Variants in RPS6KC1 observed in about 807,000 individuals in gnomAD.
The protein encoded by RPS6KC1 is ribosomal protein S6 kinase C1.
A neutral mutation model predicts 103.8 loss-of-function variants in RPS6KC1; 54 were observed. The observed-to-expected ratio is 0.52, with a 90% CI of 0.42 to 0.65. The LOEUF (loss-of-function observed/expected upper bound fraction) is 0.65. Among genes scored for constraint, RPS6KC1 ranks in the 30% least tolerant of loss-of-function variants. RPS6KC1 has a pLI of 0.00. For missense variants in RPS6KC1, 1,151 were observed against 1,253.8 expected (o/e 0.92, Z 1.24); for synonymous variants, 439 against 438.7 (o/e 1.00, Z -0.01).
At chr1:213,101,559 A>G (rs1198467549) in intron 3 of RPS6KC1, among the ~76,000 whole-genome samples, 1 of 151,266 alleles carries the variant, frequency 6.6e-6, no homozygotes, top group Non-Finnish European at 1.5e-5. Flanking sequence ...AAAGCCTCCA[A>G]TTTTTTTTTG....
At chr1:213,684,507 G>C in the RPS6KC1 span, among the ~76,000 whole-genome samples, 1 of 152,232 alleles carries the variant, frequency 6.6e-6, no homozygotes, top group Non-Finnish European at 1.5e-5. Context: ...AGTTGTTTTT[G>C]CCTGCACCTG....
chr1:213,076,382 A>C (rs1447554043), intron 2 of RPS6KC1, among the ~76,000 whole-genome samples: 6 of 152,236 alleles, frequency 3.9e-5, no homozygotes, highest in Non-Finnish European at 7.3e-5. Context: ...GGAATCTCTT[A>C]AATCACACCT....
At chr1:213,064,739 G>A (rs1226446667) in intron 1 of RPS6KC1, among the ~76,000 whole-genome samples, 1 of 147,664 alleles carries the variant, frequency 6.8e-6, no homozygotes, top group Non-Finnish European at 1.5e-5. Context: ...GTGCAGTGGC[G>A]TGATCTCGGC....
At chr1:213,723,113 G>A in the RPS6KC1 span, among the ~76,000 whole-genome samples, 1 of 152,332 alleles carries the variant, frequency 6.6e-6, no homozygotes, top group Admixed American at 6.5e-5. Flanking sequence ...CTGGGAGGCA[G>A]AGATTGCAGT....
At chr1:213,789,779 A>G in the RPS6KC1 span, among the ~76,000 whole-genome samples, 1 of 152,202 alleles carries the variant, frequency 6.6e-6, no homozygotes. Context: ...AAGATTCATG[A>G]TAACATTGTC....
At chr1:213,070,958 C>T in intron 1 of RPS6KC1, 48 bp from the exon 2 acceptor site, 1 of 1,182,202 alleles carries the variant, frequency 8.5e-7, no homozygotes, top group Non-Finnish European at 1.2e-6. Context: ...AATATGAAAT[C>T]TTAAATTTTG....
chr1:213,588,571 T>C, the RPS6KC1 span, among the ~76,000 whole-genome samples: 7 of 152,264 alleles, frequency 4.6e-5, 1 homozygote, highest in African/African-American at 1.7e-4. Flanking sequence ...AGTGGTGGGA[T>C]TACAGGCGTG....
the RPS6KC1 span, among the ~76,000 whole-genome samples, chr1:213,738,547 G>A: frequency 6.6e-6 from 1 of 151,924 alleles, no homozygotes; most frequent in African/African-American, 2.4e-5. Context: ...ATTCTTACCT[G>A]GGAACAGTAA....
At chr1:213,061,559 G>A (rs1446560575) in intron 1 of RPS6KC1, among the ~76,000 whole-genome samples, 2 of 150,582 alleles carry the variant, frequency 1.3e-5, no homozygotes, top group Non-Finnish European at 3.0e-5. Flanking sequence ...TGAGCTGGGT[G>A]CTTTGACCTA....
chr1:213,608,839 G>T, the RPS6KC1 span, among the ~76,000 whole-genome samples: 1 of 152,038 alleles, frequency 6.6e-6, no homozygotes, highest in African/African-American at 2.4e-5. Flanking sequence ...AATGTAAAAT[G>T]GATTCATTAA....
chr1:213,552,768 G>A, the RPS6KC1 span, among the ~76,000 whole-genome samples: 2 of 152,120 alleles, frequency 1.3e-5, no homozygotes, highest in African/African-American at 2.4e-5. Context: ...CTTCTAGCTA[G>A]AATTTCCTGT....
the RPS6KC1 span, among the ~76,000 whole-genome samples, chr1:213,377,310 A>G: frequency 1.3e-5 from 2 of 152,162 alleles, no homozygotes; most frequent in Non-Finnish European, 2.9e-5. Context: ...GAAAGTAAAA[A>G]TCATGACCTA....
At chr1:213,799,237 C>T in the RPS6KC1 span, among the ~76,000 whole-genome samples, 1 of 152,100 alleles carries the variant, frequency 6.6e-6, no homozygotes, top group Non-Finnish European at 1.5e-5. Context: ...TCTAGCAGAG[C>T]CCTGATGTGA....
intron 3 of RPS6KC1, among the ~76,000 whole-genome samples, chr1:213,078,902 A>G (rs1034512901): frequency 1.3e-5 from 2 of 152,194 alleles, no homozygotes; most frequent in African/African-American, 2.4e-5. Context: ...CCTAGATAGT[A>G]TAATATTTTG....
At chr1:213,559,400 A>T in the RPS6KC1 span, among the ~76,000 whole-genome samples, 1 of 152,230 alleles carries the variant, frequency 6.6e-6, no homozygotes, top group African/African-American at 2.4e-5. Context: ...GCCCAAAAAA[A>T]GTATAAGTGT....
At chr1:213,650,565 C>A in the RPS6KC1 span, among the ~76,000 whole-genome samples, 2 of 152,162 alleles carry the variant, frequency 1.3e-5, no homozygotes, top group Admixed American at 1.3e-4. Context: ...TGTCCGCATC[C>A]GGGCCCCCTC....
chr1:213,169,424 T>C (rs936912189), intron 7 of RPS6KC1, among the ~76,000 whole-genome samples: 9 of 152,242 alleles, frequency 5.9e-5, no homozygotes, highest in African/African-American at 2.2e-4. Flanking sequence ...ATTATTCTGC[T>C]GATTGATTTT....
chr1:213,077,777 T>C lies in RPS6KC1; in HGVS notation c.223T>C (p.Ser75Pro). The change falls in exon 3 of 15, where the codon TCA becomes CCA. Residue 75 changes from serine (S) to proline (P), a missense_variant. Around this residue, in one of 3 missense-constraint regions of RPS6KC1, gnomAD observed 959 missense variants for 1,006.3 expected, o/e 0.95. Transcript: ENST00000366960. ...AATTCACAAAAACTTATTCCGACAT[T>C]CAGAGTTGTTTCCTCCATTTGCTAA... ...WQIHKNLFRH[S>P]ELFPPFAKGI... The C allele has an allele frequency of 6.4e-7, 1 of 1,567,900 alleles. No individual in the cohort carries two copies. Among genetic ancestry groups the C allele is most frequent in the South Asian group, 1.2e-5 (1 of 82,742 alleles).
chr1:213,158,146 T>C (rs1269069546), intron 6 of RPS6KC1, among the ~76,000 whole-genome samples: 1 of 152,212 alleles, frequency 6.6e-6, no homozygotes, highest in Non-Finnish European at 1.5e-5. Context: ...TTGATTAACA[T>C]GTTTATGTAC....
Sources: gnomAD v4.1 joint callset for allele counts (sites outside exome capture counted in the v4.1 genomes callset) on GRCh38, gnomAD v4.1.1 for gene constraint, gnomAD v4.1.1 regional missense constraint, MANE v1.5 for transcripts, NCBI Gene and HGNC (gene_info 2026-07-23, HGNC 2026-07-21) for gene names.